The following TTC21B variants were observed in gnomAD, a reference collection of about 807,000 sequenced individuals.
TTC21B encodes tetratricopeptide repeat protein 21B.
In TTC21B, 127 loss-of-function variants were observed where a neutral mutation model predicts 175.1. The ratio of observed to expected loss-of-function variants is 0.73; its 90% CI spans 0.63 to 0.84. The LOEUF is 0.84. TTC21B is among the 40% of genes least tolerant of loss of function. The pLI is 0.00. For synonymous variants in TTC21B, 524 were observed against 524.5 expected, an observed-to-expected ratio of 1.00 and a Z score of 0.01; for missense variants, 1,561 against 1,558.3, an observed-to-expected ratio of 1.00 and a Z score of -0.03.
chr2:165,896,425 GT>G (rs1685367425), intron 22 of TTC21B, among the ~76,000 whole-genome samples: 2 of 151,952 alleles, frequency 1.3e-5, no homozygotes, highest in Admixed American at 6.6e-5. Flanking sequence ...GAAGGACAAC[GT>G]TTCTGGTCAC....
rs140461356 is a variant in TTC21B, at chr2:165,924,175, A to G, written c.1516+374T>C. 8.1e-3 allele frequency among the ~76,000 whole-genome samples: 1,240 copies of G among 152,292 alleles called. 11 individuals are homozygous for G. Among genetic ancestry groups the G allele is most frequent in the African/African-American group, 0.027 (1,133 of 41,546 alleles). ...AATTCACAGAAACTAAACAAGAATTACTCAGTACTTTTCATTAGGGCCTGA... is the reference window on the plus strand; with the variant it reads ...AATTCACAGAAACTAAACAAGAATTGCTCAGTACTTTTCATTAGGGCCTGA... On this transcript the variant is annotated intron_variant, in intron 12 of 28. Transcript: ENST00000243344.
In TTC21B at chr2:165,931,833, C is replaced by T; in HGVS notation, c.819G>A (p.Leu273=). 6.2e-7 allele frequency: 1 copy of T among 1,613,336 alleles called. No individual in the cohort carries two copies. Among genetic ancestry groups the T allele is most frequent in the Non-Finnish European group, 8.5e-7 (1 of 1,179,460 alleles). The stretch of plus-strand genomic sequence containing the variant: ...GTTCCATGGCATCCAATGTATTTCC[C>T]AAGTTTTCCAGCTTGGTGGAAGCCT... ...IEKASTKLEN[L]GNTLDAMEPQ... Residue 273 remains leucine (L), a synonymous_variant, in exon 8 of 29, where the codon TTG becomes TTA. Transcript: ENST00000243344.
chr2:165,899,693 G>A, intron 21 of TTC21B, 77 bp downstream of exon 21: 1 of 896,532 alleles, frequency 1.1e-6, no homozygotes, highest in Non-Finnish European at 1.9e-6. Flanking sequence ...TCATCATCTA[G>A]TAGTAGTTCC....
intron 21 of TTC21B, among the ~76,000 whole-genome samples, 155 bp downstream of exon 21, chr2:165,899,615 C>A (rs1448133329): frequency 2.0e-5 from 3 of 152,090 alleles, no homozygotes; most frequent in Non-Finnish European, 4.4e-5. Context: ...GATTCTGGGT[C>A]TTTATTGGTA....
At chr2:165,920,374 A>T (rs187401407) in intron 12 of TTC21B, among the ~76,000 whole-genome samples, 224 of 152,332 alleles carry the variant, frequency 1.5e-3, no homozygotes, top group African/African-American at 5.1e-3. Flanking sequence ...CAGAGACAGA[A>T]GATTAATAGA....
intron 22 of TTC21B, among the ~76,000 whole-genome samples, chr2:165,893,542 T>C (rs1240042553): frequency 1.3e-5 from 2 of 152,202 alleles, no homozygotes; most frequent in Non-Finnish European, 1.5e-5. Flanking sequence ...GGCAAATTTC[T>C]GCACTTAAGA....
At chr2:165,885,987 C>T (rs541587197) in intron 25 of TTC21B, among the ~76,000 whole-genome samples, 3 of 152,296 alleles carry the variant, frequency 2.0e-5, no homozygotes, top group African/African-American at 7.2e-5. Context: ...CAAGTGGAAA[C>T]ACTTCAGCTT....
intron 12 of TTC21B, among the ~76,000 whole-genome samples, chr2:165,922,056 T>C (rs748004690): frequency 3.9e-5 from 6 of 151,978 alleles, no homozygotes; most frequent in Non-Finnish European, 8.8e-5. Flanking sequence ...GGGATTAATA[T>C]AAGAAATTTT....
chr2:165,942,524 C>G (rs1418062259), intron 5 of TTC21B, among the ~76,000 whole-genome samples: 1 of 152,096 alleles, frequency 6.6e-6, no homozygotes, highest in Non-Finnish European at 1.5e-5. Flanking sequence ...ACAGGCCAGG[C>G]CCACCACTCC....
At chr2:165,933,516 G>A (rs1686989549) in intron 6 of TTC21B, among the ~76,000 whole-genome samples, 1 of 151,930 alleles carries the variant, frequency 6.6e-6, no homozygotes, top group Non-Finnish European at 1.5e-5. Flanking sequence ...TTAATAAATG[G>A]AACAAAAACC....
At position 165,883,790 on chromosome 2, in the gene TTC21B, C is replaced by T. The variant is rs1400971725; in HGVS notation, c.3684+4G>A. The T allele has an allele frequency of 1.9e-6, 3 of 1,609,710 alleles. No homozygotes were observed. Among genetic ancestry groups the T allele is most frequent in the East Asian group, 2.2e-5 (1 of 44,826 alleles). On this transcript the variant is annotated splice_donor_region_variant and intron_variant, in intron 26 of 28. Transcript: ENST00000243344. ...TAATTATTTTTTACTCTTCAATCACCTACTCTATTATGACGCAGGCACCGT... is the reference window on the plus strand; with the variant it reads ...TAATTATTTTTTACTCTTCAATCACTTACTCTATTATGACGCAGGCACCGT...
At chr2:165,900,179 G>A (rs1302037206) in intron 20 of TTC21B, among the ~76,000 whole-genome samples, 1 of 151,784 alleles carries the variant, frequency 6.6e-6, no homozygotes, top group Non-Finnish European at 1.5e-5. Flanking sequence ...GTCCCATAAC[G>A]GGGCCAAGTC....
chr2:165,929,768 G>A, intron 9 of TTC21B, 21 bp from the exon 10 acceptor site: 1 of 1,538,892 alleles, frequency 6.5e-7, no homozygotes, highest in Non-Finnish European at 9.0e-7. Context: ...ACAGCAGAAA[G>A]ACAGTCAAAG....
chr2:165,930,519 T>C (rs191695182), intron 8 of TTC21B, among the ~76,000 whole-genome samples, 155 bp from the exon 9 acceptor site: 115 of 152,018 alleles, frequency 7.6e-4, no homozygotes, highest in African/African-American at 2.6e-3. Context: ...ACTTTCCTAT[T>C]ATCTAGACAA....
chr2:165,885,208 C>T (rs773610703), intron 25 of TTC21B, among the ~76,000 whole-genome samples: 3 of 152,034 alleles, frequency 2.0e-5, no homozygotes, highest in Non-Finnish European at 2.9e-5. Context: ...GATACCATTA[C>T]TATAATAAAA....
intron 24 of TTC21B, among the ~76,000 whole-genome samples, chr2:165,888,891 T>C (rs1421879810): frequency 2.0e-5 from 3 of 148,928 alleles, no homozygotes; most frequent in African/African-American, 7.4e-5. Context: ...TTAATCCATT[T>C]TACACACAGG....
intron 11 of TTC21B, among the ~76,000 whole-genome samples, chr2:165,927,349 A>ATT (rs1559065135): frequency 4.7e-5 from 4 of 85,544 alleles, no homozygotes; most frequent in African/African-American, 1.6e-4. Context: ...ATATATATAT[A>ATT]ATATATTTTA....
At chr2:165,899,966 G>T in intron 20 of TTC21B, 86 bp from the exon 21 acceptor site, 5 of 501,800 alleles carry the variant, frequency 1.0e-5, no homozygotes, top group East Asian at 6.8e-5. Flanking sequence ...TTAAACTTTA[G>T]TTGACCAAAA....
At chr2:165,900,701 T>C (rs548632550) in intron 20 of TTC21B, among the ~76,000 whole-genome samples, 1 of 152,276 alleles carries the variant, frequency 6.6e-6, no homozygotes, top group East Asian at 1.9e-4. Context: ...CTGAATTATC[T>C]AAATCCAGGT....
Sources: gnomAD v4.1 joint callset for allele counts (sites outside exome capture counted in the v4.1 genomes callset) on GRCh38, gnomAD v4.1.1 for gene constraint, MANE v1.5 for transcripts, NCBI Gene and HGNC (gene_info 2026-07-23, HGNC 2026-07-21) for gene names.